CHERP: variants seen among roughly 807,000 people sequenced by gnomAD.
CHERP encodes ERPROT 213-21.
In CHERP, 8 loss-of-function variants were observed where a neutral mutation model predicts 113.8. The ratio of observed to expected loss-of-function variants is 0.07; its 90% CI spans 0.04 to 0.13. The LOEUF is 0.13. CHERP is among the 10% of genes least tolerant of loss of function. The probability of loss-of-function intolerance (pLI) is 1.00; values close to 1 mark genes in which losing one functional copy is unlikely to be tolerated. For synonymous variants in CHERP, 559 were observed against 524.5 expected, an observed-to-expected ratio of 1.07 and a Z score of -0.90; for missense variants, 884 against 1,298.2, an observed-to-expected ratio of 0.68 and a Z score of 4.90.
chr19:16,539,092 G>A (rs1289219381), intron 2 of CHERP, among the ~76,000 whole-genome samples: 1 of 148,810 alleles, frequency 6.7e-6, no homozygotes. Context: ...CACAACCCAA[G>A]CCACCCTCTC....
At position 16,542,424 on chromosome 19, in the gene CHERP, C is replaced by T. The variant is rs779974944; in HGVS notation, c.-46G>A. Reference sequence around the variant, plus strand: ...TCCTCCGGCGCCACACGATCGACCACCAGCGCCGTCTGCGGAAGCCGGCCG... The same window carrying T: ...TCCTCCGGCGCCACACGATCGACCATCAGCGCCGTCTGCGGAAGCCGGCCG... On this transcript the variant is annotated 5_prime_UTR_variant, in exon 1 of 17. In the 5' UTR this introduces an upstream ATG that the reference lacks. Coordinates refer to ENST00000546361, the MANE Select transcript of CHERP (RefSeq NM_006387.6). The T allele has an allele frequency of 3.0e-6, 4 of 1,320,374 alleles. No individual in the cohort carries two copies. The allele number at this position is 1,320,374 out of a possible 1,614,324, so 81.8% of individuals were successfully genotyped here. A position where few individuals can be genotyped will look rare whatever the true frequency, so the allele number is the denominator to read the frequency against.
intron 2 of CHERP, chr19:16,540,114 A>G (rs1481614538): frequency 6.6e-6 from 1 of 152,490 alleles, no homozygotes; most frequent in Admixed American, 6.5e-5. Flanking sequence ...CCCAGGCTAG[A>G]GTGCAGTGGC....
intron 2 of CHERP, among the ~76,000 whole-genome samples, chr19:16,539,309 G>A (rs566642653): frequency 3.3e-5 from 5 of 151,840 alleles, no homozygotes; most frequent in Admixed American, 6.6e-5. Context: ...TACCACGCCT[G>A]GCTAATTTTT....
intron 3 of CHERP, 82 bp from the exon 4 acceptor site, chr19:16,533,230 G>A (rs1486859712): frequency 1.8e-5 from 25 of 1,405,622 alleles, no homozygotes; most frequent in Non-Finnish European, 1.9e-5. Flanking sequence ...CAGCAGGGGC[G>A]GGGTGGGGAC....
intron 5 of CHERP, among the ~76,000 whole-genome samples, chr19:16,531,762 G>A (rs964648823): frequency 1.3e-5 from 2 of 152,198 alleles, no homozygotes; most frequent in Admixed American, 6.5e-5. Flanking sequence ...TCACTTCCCA[G>A]CAGGAGAGAA....
chr19:16,533,235 G>A, intron 3 of CHERP, 87 bp from the exon 4 acceptor site: 4 of 1,369,926 alleles, frequency 2.9e-6, no homozygotes, highest in Non-Finnish European at 4.0e-6. Flanking sequence ...GGGGCGGGGT[G>A]GGGACATGGT....
Position 16,518,242 on chromosome 19 carries a change from T to C in CHERP, c.*917A>G, listed in dbSNP as rs2085565092. ...GGGGGTGTGAAATGAAATGATGGAGTGGAAGGCGCTGGCTGGGGTCGGGCT... is the reference window on the plus strand; with the variant it reads ...GGGGGTGTGAAATGAAATGATGGAGCGGAAGGCGCTGGCTGGGGTCGGGCT... On this transcript the variant is annotated 3_prime_UTR_variant, in exon 17 of 17. Transcript: ENST00000546361. 1 of 151,370 alleles carries C rather than the reference T, an allele frequency of 6.6e-6. No homozygotes were observed. The highest frequency in any genetic ancestry group is 2.4e-5 in the African/African-American group (1 of 41,104). The allele number at this position is 151,370 out of a possible 1,614,324, so 9.4% of individuals were successfully genotyped here.
chr19:16,522,639 C>T (rs549793209), intron 11 of CHERP, among the ~76,000 whole-genome samples: 10 of 152,258 alleles, frequency 6.6e-5, no homozygotes, highest in African/African-American at 2.2e-4. Flanking sequence ...CAGCCCTGCC[C>T]GGCTTCTCCA....
Position 16,519,339 on chromosome 19 carries a change from T to C in CHERP, c.2571A>G (p.Ser857=), listed in dbSNP as rs749130670. 6.2e-6 allele frequency: 10 copies of C among 1,611,856 alleles called. No individual in the cohort carries two copies. Among genetic ancestry groups the C allele is most frequent in the Non-Finnish European group, 8.5e-6 (10 of 1,179,668 alleles). Residue 857 remains serine, a synonymous_variant, in exon 17 of 17, where the codon TCA becomes TCG. Transcript: ENST00000546361. This position sits in a 1 kb window ranked among gnomAD's most constrained non-coding sequence, Gnocchi z 6.0. The part of the protein sequence containing the change: ...QMLVKMGWSG[S]GGLGAKEQGI... ...CTTGCTCCTTCGCACCGAGGCCGCC[T>C]GAGCCGCTCCAGCCTGGAAACAGAG...
chr19:16,541,800 G>A (rs2085781906), intron 2 of CHERP, 70 bp downstream of exon 2: 2 of 1,486,682 alleles, frequency 1.3e-6, no homozygotes. Context: ...GAGGTTTGTG[G>A]CAGAGCCCGG....
Position 16,532,494 on chromosome 19 carries a change from G to A in CHERP, c.674+104C>T, listed in dbSNP as rs1363331573. ...CCCCGGACAAGTGCCCCCTAGTCTC[G>A]GGACAGGCCAAGCCAAGCTACCGAC... On this transcript the variant is annotated intron_variant, in intron 5 of 16. Transcript: ENST00000546361. The surrounding 1 kb of genome is among the most constrained non-coding windows in gnomAD (Gnocchi z 4.4). 7 of 1,376,616 alleles carry A rather than the reference G, an allele frequency of 5.1e-6. No individual in the cohort carries two copies. The highest frequency in any genetic ancestry group is 5.4e-5 in the Admixed American group (2 of 36,772). 85.3% of individuals were successfully genotyped at this position (1,376,616 alleles called of 1,614,324 possible).
chr19:16,535,240 G>A lies in CHERP; in HGVS notation c.384+212C>T, dbSNP rs1284366701. Among the ~76,000 whole-genome samples the A allele has an allele frequency of 1.3e-5, 2 of 152,366 alleles. No individual in the cohort carries two copies. Among genetic ancestry groups the A allele is most frequent in the South Asian group, 2.1e-4 (1 of 4,830 alleles). ...GGGGGTCCACCCCAGGGTGATGGGT[G>A]CACGCACGTCCAGTGGCTTCACTGA... On this transcript the variant is annotated intron_variant, in intron 3 of 16. Coordinates refer to ENST00000546361, the MANE Select transcript of CHERP (RefSeq NM_006387.6). The surrounding 1 kb of genome is among the most constrained non-coding windows in gnomAD (Gnocchi z 4.3).
intron 11 of CHERP, among the ~76,000 whole-genome samples, chr19:16,522,127 GC>G (rs2085621471): frequency 1.3e-5 from 2 of 151,972 alleles, no homozygotes; most frequent in African/African-American, 2.4e-5. Context: ...CTGGGCCCCC[GC>G]CCGCAGCTCT....
Position 16,518,957 on chromosome 19 carries a change from G to C in CHERP, c.*202C>G. Reference sequence around the variant, plus strand: ...GCTGCAGCGCCTCCTGGTGTGGTTTGTGGGTGGCACCCGTGCCCTCCACGC... The same window carrying C: ...GCTGCAGCGCCTCCTGGTGTGGTTTCTGGGTGGCACCCGTGCCCTCCACGC... On this transcript the variant is annotated 3_prime_UTR_variant, in exon 17 of 17. Transcript: ENST00000546361. 1 of 595,474 alleles carries C rather than the reference G, an allele frequency of 1.7e-6. No homozygotes were observed. The highest frequency in any genetic ancestry group is 1.9e-5 in the African/African-American group (1 of 53,490). 36.9% of individuals were successfully genotyped at this position (595,474 alleles called of 1,614,324 possible). A position where few individuals can be genotyped will look rare whatever the true frequency, so the allele number is the denominator to read the frequency against.
At chr19:16,541,802 A>T in intron 2 of CHERP, 68 bp downstream of exon 2, 1 of 1,501,042 alleles carries the variant, frequency 6.7e-7, no homozygotes, top group Non-Finnish European at 9.0e-7. Flanking sequence ...GGTTTGTGGC[A>T]GAGCCCGGAC....
rs1454495171 is a variant in CHERP at position 16,518,096 on chromosome 19, T to A, written c.*1063A>T. 2.0e-5 allele frequency: 3 copies of A among 152,112 alleles called. No individual in the cohort carries two copies. Among genetic ancestry groups the A allele is most frequent in the South Asian group, 4.1e-4 (2 of 4,832 alleles). 9.4% of individuals were successfully genotyped at this position (152,112 alleles called of 1,614,324 possible). On this transcript the variant is annotated 3_prime_UTR_variant, in exon 17 of 17. Coordinates refer to ENST00000546361, the MANE Select transcript of CHERP (RefSeq NM_006387.6). ...TATTGAAAAGAATTTTTCAAAAATG[T>A]TTCTGTACAAATGAATGGAATTGCA...
rs2085732275 is a variant in CHERP at position 16,535,119 on chromosome 19, T to A, written c.384+333A>T. On this transcript the variant is annotated intron_variant, in intron 3 of 16. Coordinates refer to ENST00000546361, the MANE Select transcript of CHERP (RefSeq NM_006387.6). This position sits in a 1 kb window ranked among gnomAD's most constrained non-coding sequence, Gnocchi z 4.3. Reference sequence around the variant, plus strand: ...AACCAACAGCTCCAGGTGACCTAGCTACTGTGTGGTGGGGCCAATGGTAGG... The same window carrying A: ...AACCAACAGCTCCAGGTGACCTAGCAACTGTGTGGTGGGGCCAATGGTAGG... 6.6e-6 allele frequency among the ~76,000 whole-genome samples: 1 copy of A among 151,690 alleles called. No individual in the cohort carries two copies. The highest frequency in any genetic ancestry group is 1.5e-5 in the Non-Finnish European group (1 of 67,962).
At chr19:16,533,176 A>T (rs2122275346) in intron 3 of CHERP, 28 bp from the exon 4 acceptor site, 1 of 1,565,964 alleles carries the variant, frequency 6.4e-7, no homozygotes, top group East Asian at 2.3e-5. Context: ...TGGGGTCGAG[A>T]ACACATGAGG....
chr19:16,525,101 G>T lies in CHERP; in HGVS notation c.1741+141C>A. Reference sequence around the variant, plus strand: ...CCCACTTCCTGAGAACCCAGGCCGGGCTCCTCGGACGTCCCATGACCCTGT... The same window carrying T: ...CCCACTTCCTGAGAACCCAGGCCGGTCTCCTCGGACGTCCCATGACCCTGT... On this transcript the variant is annotated intron_variant, in intron 10 of 16. Coordinates refer to ENST00000546361, the MANE Select transcript of CHERP (RefSeq NM_006387.6). The surrounding 1 kb of genome is among the most constrained non-coding windows in gnomAD (Gnocchi z 6.5). The T allele has an allele frequency of 1.3e-6, 1 of 792,410 alleles. No individual in the cohort carries two copies. Among genetic ancestry groups the T allele is most frequent in the Non-Finnish European group, 1.7e-6 (1 of 572,024 alleles). 49.1% of individuals were successfully genotyped at this position (792,410 alleles called of 1,614,324 possible). A position where few individuals can be genotyped will look rare whatever the true frequency, so the allele number is the denominator to read the frequency against.
Sources: gnomAD v4.1 joint callset for allele counts (sites outside exome capture counted in the v4.1 genomes callset) on GRCh38, gnomAD v4.1.1 for gene constraint, Gnocchi (gnomAD v3.1) non-coding constraint, MANE v1.5 for transcripts, NCBI Gene and HGNC (gene_info 2026-07-23, HGNC 2026-07-21) for gene names.